ANXA11: variants seen among roughly 807,000 people sequenced by gnomAD.
ANXA11 encodes annexin A11, also known as 56 kDa autoantigen.
In ANXA11, 57 loss-of-function variants were observed where a neutral mutation model predicts 64.7. That is an observed-to-expected ratio of 0.88 (90% CI 0.71 to 1.10). The LOEUF (loss-of-function observed/expected upper bound fraction) is 1.10. ANXA11 is among the 50% of genes least tolerant of loss of function. ANXA11 has a pLI of 0.00. For missense variants in ANXA11, 675 were observed against 670.7 expected (o/e 1.01, Z -0.07); for synonymous variants, 260 against 265.2 (o/e 0.98, Z 0.19).
At position 80,168,969 on chromosome 10, in the gene ANXA11, C is replaced by T; in HGVS notation, c.561G>A (p.Gln187=). ...AGGGAGGCAGTGGGCTGACACTCACCTGGGTTGGGGGCACAGCGGGGGTGA... is the reference window on the plus strand; with the variant it reads ...AGGGAGGCAGTGGGCTGACACTCACTTGGGTTGGGGGCACAGCGGGGGTGA... ...GTVTPAVPPT[Q]FGSRGTITDA... Residue 187 remains glutamine, a splice_region_variant and synonymous_variant, in exon 5 of 16, where the codon CAG becomes CAA. Transcript: ENST00000422982. The T allele has an allele frequency of 6.5e-7, 1 of 1,527,410 alleles. No individual in the cohort carries two copies. Among genetic ancestry groups the T allele is most frequent in the Non-Finnish European group, 8.7e-7 (1 of 1,142,916 alleles). The allele number at this position is 1,527,410 out of a possible 1,614,324, so 94.6% of individuals were successfully genotyped here. A position where few individuals can be genotyped will look rare whatever the true frequency, so the allele number is the denominator to read the frequency against.
rs779661783 is a variant in ANXA11 at position 80,155,829 on chromosome 10, C to T, written c.*24G>A. 10 of 1,612,410 alleles carry T rather than the reference C, an allele frequency of 6.2e-6. No individual in the cohort carries two copies. In the Admixed American group the frequency reaches 1.5e-4, roughly 24 times the overall value. ...GGCACTGGTGTTGCCGGCAGGTGGG[C>T]AGAAGTGAGCCACCAGTCACTGTTC... On this transcript the variant is annotated 3_prime_UTR_variant, in exon 16 of 16. Transcript: ENST00000422982.
intron 1 of ANXA11, among the ~76,000 whole-genome samples, chr10:80,194,517 G>C (rs1021720100): frequency 1.1e-5 from 1 of 93,038 alleles, no homozygotes; most frequent in Non-Finnish European, 2.1e-5. Context: ...CCACTCCTAG[G>C]AAGAGTCGGG....
At chr10:80,174,054 T>C (rs906979903) in intron 2 of ANXA11, among the ~76,000 whole-genome samples, 4 of 152,188 alleles carry the variant, frequency 2.6e-5, no homozygotes, top group African/African-American at 9.6e-5. Context: ...GAACTGGGCA[T>C]ATTGGGTTTT....
At position 80,151,854 on chromosome 10, in the gene ANXA11, G is replaced by A. The variant is rs1845162945; in HGVS notation, c.*3999C>T. 1.3e-5 allele frequency: 2 copies of A among 152,184 alleles called. No homozygotes were observed. The allele number at this position is 152,184 out of a possible 1,614,324, so 9.4% of individuals were successfully genotyped here. On this transcript the variant is annotated 3_prime_UTR_variant, in exon 16 of 16. Transcript: ENST00000422982. ...AGCAGGTTACAGATGCAGTTTCCCA[G>A]TCCCCACACCTGCTCAAAATGCATG...
At chr10:80,191,590 A>G (rs751033757) in intron 1 of ANXA11, among the ~76,000 whole-genome samples, 29 of 152,032 alleles carry the variant, frequency 1.9e-4, no homozygotes, top group Non-Finnish European at 3.1e-4. Context: ...CACCAAGACT[A>G]CAAAAAAAAC....
At chr10:80,176,393 A>G (rs1026037380) in intron 1 of ANXA11, among the ~76,000 whole-genome samples, 4 of 152,200 alleles carry the variant, frequency 2.6e-5, no homozygotes, top group Non-Finnish European at 5.9e-5. Context: ...CATACAAACT[A>G]AGTGGTTCCT....
chr10:80,196,306 A>T lies in ANXA11; in HGVS notation c.-58+9037T>A, dbSNP rs139866390. Among the ~76,000 whole-genome samples the T allele has an allele frequency of 4.0e-3, 605 of 152,312 alleles. 3 individuals are homozygous for T. The highest frequency in any genetic ancestry group is 6.7e-3 in the Non-Finnish European group (454 of 68,024). On this transcript the variant is annotated intron_variant, in intron 1 of 15. Transcript: ENST00000422982. ...TTCTAGGCCTCCCCATGAGAGCATC[A>T]GTGCTACAGGCTGTAGGACAGGCCT...
rs114314457 is a variant in ANXA11 at position 80,157,272 on chromosome 10, C to T, written c.1458+369G>A. On this transcript the variant is annotated intron_variant, in intron 15 of 15. Coordinates refer to ENST00000422982, the MANE Select transcript of ANXA11 (RefSeq NM_145868.2). ...GTGGCCTACGCCATAAAGCTGAGTG[C>T]AGGAAGTGCTTTGTCAGGGAGTGAC... 1.0e-3 allele frequency: 981 copies of T among 985,428 alleles called. 8 individuals carry two copies. In the African/African-American group the frequency reaches 0.016, roughly 17 times the overall value. The allele number at this position is 985,428 out of a possible 1,614,324, so 61.0% of individuals were successfully genotyped here.
chr10:80,194,638 T>TC (rs1846908992), intron 1 of ANXA11, among the ~76,000 whole-genome samples: 1 of 152,152 alleles, frequency 6.6e-6, no homozygotes. Context: ...CCTCCCAGCC[T>TC]CGTCTACCTC....
chr10:80,193,275 AG>A, intron 1 of ANXA11, among the ~76,000 whole-genome samples: 1 of 152,352 alleles, frequency 6.6e-6, no homozygotes, highest in Non-Finnish European at 1.5e-5. Context: ...TCTACCAAGC[AG>A]GAAGTCAACA....
At chr10:80,195,893 G>C (rs1288600332) in intron 1 of ANXA11, 2 of 152,322 alleles carry the variant, frequency 1.3e-5, no homozygotes, top group African/African-American at 2.4e-5. Flanking sequence ...GCACAGGAAA[G>C]ACCTGCCCCA....
intron 8 of ANXA11, among the ~76,000 whole-genome samples, chr10:80,164,717 C>T (rs1193954813): frequency 6.6e-6 from 1 of 152,154 alleles, no homozygotes; most frequent in Non-Finnish European, 1.5e-5. Context: ...CTGCAGCTTA[C>T]CAGCTGTGTG....
intron 2 of ANXA11, among the ~76,000 whole-genome samples, chr10:80,175,344 T>C (rs1460568992): frequency 6.6e-6 from 1 of 152,114 alleles, no homozygotes; most frequent in Admixed American, 6.6e-5. Context: ...CCTTCCTCTC[T>C]GGAGACACCA....
chr10:80,189,177 C>G (rs1366690028), intron 1 of ANXA11, among the ~76,000 whole-genome samples: 2 of 152,164 alleles, frequency 1.3e-5, no homozygotes, highest in Non-Finnish European at 2.9e-5. Flanking sequence ...TCCTTCAAAG[C>G]AGAGAGCCTT....
chr10:80,170,532 C>A (rs534405093), intron 4 of ANXA11, among the ~76,000 whole-genome samples: 6 of 152,198 alleles, frequency 3.9e-5, no homozygotes, highest in Non-Finnish European at 8.8e-5. Context: ...CCTTCCCAAC[C>A]CTAACCCCTC....
intron 3 of ANXA11, 165 bp from the exon 4 acceptor site, chr10:80,171,080 C>G: frequency 6.6e-7 from 1 of 1,518,050 alleles, no homozygotes; most frequent in Non-Finnish European, 8.8e-7. Flanking sequence ...GGAAAGTCTC[C>G]CCCTATCCCA....
At chr10:80,177,885 C>T (rs960942325) in intron 1 of ANXA11, among the ~76,000 whole-genome samples, 2 of 152,300 alleles carry the variant, frequency 1.3e-5, no homozygotes, top group Non-Finnish European at 2.9e-5. Context: ...CAATCTCCCC[C>T]CAAGCTATCC....
chr10:80,175,646 A>G (rs1213444837), intron 2 of ANXA11, among the ~76,000 whole-genome samples: 2 of 152,212 alleles, frequency 1.3e-5, no homozygotes, highest in African/African-American at 4.8e-5. Context: ...ATAATAAGAA[A>G]AAGATCAATA....
At chr10:80,189,713 G>A (rs1846689267) in intron 1 of ANXA11, among the ~76,000 whole-genome samples, 1 of 152,162 alleles carries the variant, frequency 6.6e-6, no homozygotes, top group Non-Finnish European at 1.5e-5. Context: ...CGTCATGTTG[G>A]AGCTCACAAA....
Sources: allele counts gnomAD v4.1 joint callset (sites outside exome capture counted in the v4.1 genomes callset), GRCh38; gene constraint gnomAD v4.1.1; transcripts MANE v1.5; gene names NCBI Gene and HGNC (gene_info 2026-07-23, HGNC 2026-07-21).